GAB3: variants seen among roughly 807,000 people sequenced by gnomAD.
GAB3 encodes GRB2 associated binding protein 3.
Under a neutral mutation model 40.4 loss-of-function variants are expected in GAB3, and 12 were observed. The ratio of observed to expected loss-of-function variants is 0.30; its 90% CI spans 0.19 to 0.48. GAB3 has a LOEUF of 0.48. Ranked by LOEUF, GAB3 falls within the 20% of genes least tolerant of loss-of-function variation. GAB3 has a pLI of 0.99. For synonymous variants in GAB3, 154 were observed against 176.7 expected (o/e 0.87, Z 1.02); for missense variants, 381 against 461.9 (o/e 0.82, Z 1.61).
chrX:154,714,773 C>T (rs1329283489), intron 2 of GAB3, among the ~76,000 whole-genome samples: 2 of 112,119 alleles, frequency 1.8e-5, no homozygotes, highest in Non-Finnish European at 3.8e-5. Flanking sequence ...CAGTATACGA[C>T]GATATACCTA....
Position 154,699,496 on chromosome X carries a change from C to T in GAB3, c.1143G>A (p.Pro381=), listed in dbSNP as rs1266884876. Residue 381 remains proline, a synonymous_variant, in exon 6 of 10, where the codon CCG becomes CCA. Transcript: ENST00000424127. ...LSLNLPCRFS[P]MYPTASASIE... is the part of the protein sequence containing the mutation. The stretch of plus-strand genomic sequence containing the variant: ...TACTGGCTGAAGCTGTGGGGTACAT[C>T]GGGGAGAACCTGCATGGCTGCAAAA... 8.3e-6 allele frequency: 10 copies of T among 1,207,485 alleles called. No individual in the cohort carries two copies. Among genetic ancestry groups the T allele is most frequent in the South Asian group, 3.5e-5 (2 of 56,620 alleles).
At chrX:154,735,523 G>T (rs2071353846) in intron 1 of GAB3, among the ~76,000 whole-genome samples, 1 of 112,187 alleles carries the variant, frequency 8.9e-6, no homozygotes, top group Non-Finnish European at 1.9e-5. Flanking sequence ...CAGCTGCTCA[G>T]GCCAAGACAC....
intron 4 of GAB3, among the ~76,000 whole-genome samples, chrX:154,704,264 G>A (rs915776603): frequency 9.1e-6 from 1 of 109,888 alleles, no homozygotes; most frequent in Admixed American, 9.7e-5. Flanking sequence ...TAGCCAGGGT[G>A]GGGGGCTGTG....
At chrX:154,728,383 A>G (rs1454952156) in intron 1 of GAB3, among the ~76,000 whole-genome samples, 11 of 112,614 alleles carry the variant, frequency 9.8e-5, no homozygotes, top group African/African-American at 3.2e-4. Context: ...TGTCCTGGCC[A>G]AGAGCGCCTA....
At chrX:154,731,961 G>A (rs782672646) in intron 1 of GAB3, among the ~76,000 whole-genome samples, 56 of 111,907 alleles carry the variant, frequency 5.0e-4, no homozygotes, top group Non-Finnish European at 9.0e-4. Context: ...AGTTGCGGTC[G>A]GGCAAGAGCG....
At chrX:154,694,604 A>T (rs189016921) in intron 8 of GAB3, among the ~76,000 whole-genome samples, 1 of 111,302 alleles carries the variant, frequency 9.0e-6, no homozygotes, top group Non-Finnish European at 1.9e-5. Context: ...CGTGTTAGCC[A>T]GGATGGTCTC....
In GAB3 at chrX:154,716,007, G is replaced by A. The variant is rs2071039770; in HGVS notation, c.376+19C>T. 2 of 1,191,494 alleles carry A rather than the reference G, an allele frequency of 1.7e-6. No homozygotes were observed. The highest frequency in any genetic ancestry group is 1.1e-6 in the Non-Finnish European group (1 of 881,804). On this transcript the variant is annotated intron_variant, in intron 2 of 9. Transcript: ENST00000424127. ...CTGGGATACCCCTTAGCACATGGGA[G>A]CCCCAACTCCGCTCTTACCTGCACC...
intron 1 of GAB3, among the ~76,000 whole-genome samples, chrX:154,731,956 C>T (rs2071297568): frequency 8.9e-6 from 1 of 112,037 alleles, no homozygotes; most frequent in Non-Finnish European, 1.9e-5. Context: ...GAGCAAGTTG[C>T]GGTCGGGCAA....
At chrX:154,736,099 T>C (rs1175890460) in intron 1 of GAB3, among the ~76,000 whole-genome samples, 1 of 112,800 alleles carries the variant, frequency 8.9e-6, no homozygotes, top group African/African-American at 3.2e-5. Context: ...GAGGAGCACA[T>C]CCTCCAATAT....
intron 8 of GAB3, among the ~76,000 whole-genome samples, chrX:154,694,870 C>T (rs1006295612): frequency 7.1e-5 from 8 of 111,958 alleles, no homozygotes; most frequent in African/African-American, 2.6e-4. Context: ...TTCCCAAGGG[C>T]CATTACTAAG....
At position 154,675,381 on chromosome X, in the gene GAB3, G is replaced by A. The variant is rs2070281520; in HGVS notation, c.*2797C>T. 1 of 112,207 alleles carries A rather than the reference G, an allele frequency of 8.9e-6. No individual in the cohort carries two copies. The highest frequency in any genetic ancestry group is 3.2e-5 in the African/African-American group (1 of 30,888). The allele number at this position is 112,207 out of a possible 1,213,427, so 9.2% of individuals were successfully genotyped here. A position where few individuals can be genotyped will look rare whatever the true frequency, so the allele number is the denominator to read the frequency against. On this transcript the variant is annotated 3_prime_UTR_variant, in exon 10 of 10. Coordinates refer to ENST00000424127, the MANE Select transcript of GAB3 (RefSeq NM_001081573.3). ...GAGGAAAAAGCCAGGTCTGAGGAGAGCCTTCAGTTTCAACTCGGAACTTTT... is the reference window on the plus strand; with the variant it reads ...GAGGAAAAAGCCAGGTCTGAGGAGAACCTTCAGTTTCAACTCGGAACTTTT...
chrX:154,728,643 A>G (rs1291786779), intron 1 of GAB3, among the ~76,000 whole-genome samples: 1 of 112,437 alleles, frequency 8.9e-6, no homozygotes, highest in Non-Finnish European at 1.9e-5. Context: ...GGAGTTACAG[A>G]TAGAACACAG....
At chrX:154,716,422 G>A (rs1557257669) in intron 1 of GAB3, 93 bp from the exon 2 acceptor site, 2 of 823,196 alleles carry the variant, frequency 2.4e-6, no homozygotes, top group Non-Finnish European at 1.7e-6. Context: ...AGGACAGCAG[G>A]AAGGAAACAA....
chrX:154,678,088 G>C lies in GAB3; in HGVS notation c.*90C>G. 2.1e-6 allele frequency: 1 copy of C among 478,212 alleles called. No homozygotes were observed. 39.4% of individuals were successfully genotyped at this position (478,212 alleles called of 1,213,427 possible). The stretch of plus-strand genomic sequence containing the variant: ...TTTGACCTGTGTTGACCATCAGTGT[G>C]TTTTTAGTGGACAAAAAAAAAAAAA... On this transcript the variant is annotated 3_prime_UTR_variant, in exon 10 of 10. Coordinates refer to ENST00000424127, the MANE Select transcript of GAB3 (RefSeq NM_001081573.3).
rs1557245846 is a variant in GAB3, at chrX:154,677,596, C to G, written c.*582G>C. On this transcript the variant is annotated 3_prime_UTR_variant, in exon 10 of 10. Coordinates refer to ENST00000424127, the MANE Select transcript of GAB3 (RefSeq NM_001081573.3). ...CAGAATACCTGGCTACAGGTAGCTG[C>G]TTAATTGCAATATCCTTAGAGCCAC... is the stretch of plus-strand genomic sequence containing the variant. 1 of 112,547 alleles carries G rather than the reference C, an allele frequency of 8.9e-6. No individual in the cohort carries two copies. Among genetic ancestry groups the G allele is most frequent in the Non-Finnish European group, 1.9e-5 (1 of 53,698 alleles). 9.3% of individuals were successfully genotyped at this position (112,547 alleles called of 1,213,427 possible).
intron 4 of GAB3, among the ~76,000 whole-genome samples, chrX:154,708,865 C>G (rs782050462): frequency 8.9e-6 from 1 of 111,916 alleles, no homozygotes; most frequent in South Asian, 3.7e-4. Flanking sequence ...GGATACATAT[C>G]CAAAAGAAAT....
intron 1 of GAB3, among the ~76,000 whole-genome samples, chrX:154,749,148 C>CGA (rs2071572494): frequency 9.0e-6 from 1 of 111,524 alleles, no homozygotes; most frequent in Admixed American, 9.5e-5. Context: ...CCACATATCT[C>CGA]TAAGCTGCGC....
chrX:154,743,050 C>A (rs1381700330), intron 1 of GAB3, among the ~76,000 whole-genome samples: 2 of 106,758 alleles, frequency 1.9e-5, no homozygotes, highest in Non-Finnish European at 3.9e-5. Flanking sequence ...ATAAAGCTGT[C>A]TTTAAAAACC....
At chrX:154,681,876 C>T (rs1386997897) in intron 8 of GAB3, among the ~76,000 whole-genome samples, 1 of 111,409 alleles carries the variant, frequency 9.0e-6, no homozygotes, top group East Asian at 2.8e-4. Context: ...ACCTGGTTTC[C>T]CCCAGAATGT....
Sources: allele counts gnomAD v4.1 joint callset (sites outside exome capture counted in the v4.1 genomes callset), GRCh38; gene constraint gnomAD v4.1.1; transcripts MANE v1.5; gene names NCBI Gene and HGNC (gene_info 2026-07-23, HGNC 2026-07-21).